Variants in SERPINB3 observed in about 807,000 individuals in gnomAD.
SERPINB3 encodes serpin family B member 3, also known as serpin B3.
SERPINB3 carries 33 observed loss-of-function variants against 33.0 expected under a neutral mutation model. That is an observed-to-expected ratio of 1.00 (90% CI 0.76 to 1.34). The LOEUF (loss-of-function observed/expected upper bound fraction) is 1.34, where lower values mean the gene tolerates loss of function less well. SERPINB3 is among the 40% of genes most tolerant of loss of function. SERPINB3 has a pLI of 0.00. For synonymous variants in SERPINB3, 200 were observed against 170.9 expected (o/e 1.17, Z -1.33); for missense variants, 518 against 461.5 (o/e 1.12, Z -1.12).
In SERPINB3 at chr18:63,661,128, G is replaced by A. The variant is rs762989240; in HGVS notation, c.89C>T (p.Ser30Phe). The change falls in exon 2 of 8, where the codon TCC (serine) becomes TTC (phenylalanine). Residue 30 changes from serine (S) to phenylalanine (F), a missense_variant. Ser to Phe is a radical substitution (Grantham distance 155, BLOSUM62 -2). Coordinates refer to ENST00000283752, the MANE Select transcript of SERPINB3 (RefSeq NM_006919.3). ...RKSKENNIFY[S>F]PISITSALGM... ...TAATGCTGATGTGATGCTGATAGGG[G>A]AATAGAAGATGTTGTTCTCTTTTGA... 1.2e-6 allele frequency: 2 copies of A among 1,613,542 alleles called. No individual in the cohort carries two copies. Among genetic ancestry groups the A allele is most frequent in the African/African-American group, 2.7e-5 (2 of 74,870 alleles).
chr18:63,660,884 A>G, intron 2 of SERPINB3, 28 bp from the exon 3 acceptor site: 1 of 1,613,124 alleles, frequency 6.2e-7, no homozygotes, highest in South Asian at 1.1e-5. Flanking sequence ...CGGGACAAGA[A>G]AACTTTACTC....
At chr18:63,661,364 CATCTT>C (rs1227143493) in intron 1 of SERPINB3, 122 bp from the exon 2 acceptor site, 19 of 1,104,278 alleles carry the variant, frequency 1.7e-5, no homozygotes, top group Non-Finnish European at 2.2e-5. Flanking sequence ...AAGTTTTCCT[CATCTT>C]ATTTTTAACG....
chr18:63,656,244 G>A (rs1238830005), intron 7 of SERPINB3, among the ~76,000 whole-genome samples, 183 bp from the exon 8 acceptor site: 3 of 151,684 alleles, frequency 2.0e-5, no homozygotes, highest in Non-Finnish European at 2.9e-5. Context: ...AAATACATTG[G>A]GTTATATGTG....
In SERPINB3 at chr18:63,655,993, A is replaced by C. The variant is rs139301901; in HGVS notation, c.837T>G (p.Arg279=). 2.9e-5 allele frequency: 47 copies of C among 1,613,854 alleles called. No individual in the cohort carries two copies. The African/African-American group carries it at 6.0e-4, about 21-fold the overall frequency. ...TGAACCGAGGTAAGTGTAAATCGAC[A>C]CGTGTCTCTCTCATATTCTGCAAAC... is the stretch of plus-strand genomic sequence containing the variant. ...WTSLQNMRET[R]VDLHLPRFKV... The change falls in exon 8 of 8, where the codon CGT becomes CGG. Residue 279 remains arginine (R), a synonymous_variant. Transcript: ENST00000283752.
At chr18:63,661,657 G>C (rs934346978) in intron 1 of SERPINB3, among the ~76,000 whole-genome samples, 189 bp downstream of exon 1, 25 of 151,350 alleles carry the variant, frequency 1.7e-4, no homozygotes, top group African/African-American at 6.1e-4. Flanking sequence ...AAAGTGCCTT[G>C]GTTTACTTGG....
rs1432268509 is a variant in SERPINB3 at position 63,657,340 on chromosome 18, T to C, written c.542A>G (p.Tyr181Cys). 3.7e-6 allele frequency: 6 copies of C among 1,610,744 alleles called. No homozygotes were observed. Among genetic ancestry groups the C allele is most frequent in the Non-Finnish European group, 3.4e-6 (4 of 1,177,796 alleles). The change falls in exon 6 of 8, where the codon TAT becomes TGT. Residue 181 changes from tyrosine to cysteine, a missense_variant. By Grantham distance (194) the Tyr-to-Cys change is radical. Coordinates refer to ENST00000283752, the MANE Select transcript of SERPINB3 (RefSeq NM_006919.3). ...NTTLVLVNAIYFKGQWEKKFN... is the reference protein window; with the variant it reads ...NTTLVLVNAICFKGQWEKKFN... ...TTTCTTCTCCCACTGCCCTTTGAAA[T>C]AGATTGCGTTCACAAGAACCAATGT...
chr18:63,657,108 C>T (rs1269856767), intron 6 of SERPINB3, 122 bp from the exon 7 acceptor site: 1 of 989,318 alleles, frequency 1.0e-6, no homozygotes, highest in African/African-American at 1.6e-5. Context: ...GAGTTAGAGA[C>T]AATAGCTTCT....
chr18:63,655,762 A>G lies in SERPINB3; in HGVS notation c.1068T>C (p.Pro356=). The change falls in exon 8 of 8, where the codon CCT becomes CCC. Residue 356 remains proline, a synonymous_variant. Transcript: ENST00000283752. ...ATAVVGFGSS[P]TSTNEEFHCN... is the part of the protein sequence containing the mutation. ...AATGGAACTCTTCATTAGTTGAAGT[A>G]GGTGATGATCCGAATCCTACTACAG... 1.2e-6 allele frequency: 2 copies of G among 1,613,022 alleles called. No individual in the cohort carries two copies. The highest frequency in any genetic ancestry group is 1.4e-5 in the African/African-American group (1 of 74,062).
rs778215018 is a variant in SERPINB3, at chr18:63,656,814, T to C, written c.768+17A>G. 1.3e-5 allele frequency: 21 copies of C among 1,581,952 alleles called. No homozygotes were observed. Among genetic ancestry groups the C allele is most frequent in the Non-Finnish European group, 1.7e-5 (20 of 1,158,306 alleles). On this transcript the variant is annotated intron_variant, in intron 7 of 7. Transcript: ENST00000283752. ...TGTCAGGCAGTAGAAGGAAGAGTTGTAGATGCAAGTTCTTACCTTCTGGAG... is the reference window on the plus strand; with the variant it reads ...TGTCAGGCAGTAGAAGGAAGAGTTGCAGATGCAAGTTCTTACCTTCTGGAG...
At position 63,661,127 on chromosome 18, in the gene SERPINB3, G is replaced by A. The variant is rs775604979; in HGVS notation, c.90C>T (p.Ser30=). 1.9e-6 allele frequency: 3 copies of A among 1,613,600 alleles called. No individual in the cohort carries two copies. In the Admixed American group the frequency reaches 5.0e-5, roughly 27 times the overall value. Residue 30 remains serine (S), a synonymous_variant, in exon 2 of 8, where the codon TCC becomes TCT. Coordinates refer to ENST00000283752, the MANE Select transcript of SERPINB3 (RefSeq NM_006919.3). ...CTAATGCTGATGTGATGCTGATAGG[G>A]GAATAGAAGATGTTGTTCTCTTTTG... ...RKSKENNIFY[S]PISITSALGM...
intron 2 of SERPINB3, 21 bp downstream of exon 2, chr18:63,661,031 C>T (rs2144498174): frequency 6.2e-7 from 1 of 1,613,340 alleles, no homozygotes; most frequent in Non-Finnish European, 8.5e-7. Flanking sequence ...AACAGGACAA[C>T]ATAATGATGC....
chr18:63,658,625 A>C lies in SERPINB3; in HGVS notation c.357T>G (p.Tyr119Ter), dbSNP rs770313917. 7 of 1,609,116 alleles carry C rather than the reference A, an allele frequency of 4.4e-6. No homozygotes were observed. The South Asian group carries it at 4.4e-5, about 10-fold the overall frequency. ...GEKTYLFLQE[Y>*]LDAIKKFYQT... ...GGTAAAATTTCTTGATGGCATCTAA[A>C]TATTCCTTTGAGATATGAAGGAAGA... The change falls in exon 5 of 8, where the codon TAT (tyrosine) becomes TAG (stop). Residue 119 changes from tyrosine (Y) to a stop codon, truncating the protein, a stop_gained. Coordinates refer to ENST00000283752, the MANE Select transcript of SERPINB3 (RefSeq NM_006919.3). LOFTEE classifies it high-confidence loss of function.
Position 63,658,499 on chromosome 18 carries a change from G to A in SERPINB3, c.469+14C>T. 6.3e-7 allele frequency: 1 copy of A among 1,599,102 alleles called. No homozygotes were observed. Among genetic ancestry groups the A allele is most frequent in the Non-Finnish European group, 8.6e-7 (1 of 1,167,742 alleles). ...ATTTCTCAAAGGTGTTTCTATAATGGGTGGCTCTCCTACCATTCGTTTGAC... is the reference window on the plus strand; with the variant it reads ...ATTTCTCAAAGGTGTTTCTATAATGAGTGGCTCTCCTACCATTCGTTTGAC... On this transcript the variant is annotated intron_variant, in intron 5 of 7. Coordinates refer to ENST00000283752, the MANE Select transcript of SERPINB3 (RefSeq NM_006919.3).
Position 63,661,264 on chromosome 18 carries a change from G to T in SERPINB3, c.-26-22C>A, listed in dbSNP as rs760454101. On this transcript the variant is annotated intron_variant, in intron 1 of 7. Transcript: ENST00000283752. ...ACTCCTGGAAAAGCATCAGATTCCTGTCAGAATGACTTTAATAAATGGAAT... is the reference window on the plus strand; with the variant it reads ...ACTCCTGGAAAAGCATCAGATTCCTTTCAGAATGACTTTAATAAATGGAAT... The T allele has an allele frequency of 3.2e-6, 5 of 1,581,980 alleles. No individual in the cohort carries two copies. The African/African-American group carries it at 6.8e-5, about 21-fold the overall frequency.
Position 63,656,019 on chromosome 18 carries a change from T to C in SERPINB3, c.811A>G (p.Ser271Gly), listed in dbSNP as rs1913486931. ...CGTGTCTCTCTCATATTCTGCAAAC[T>C]TGTCCATTCCATCAATTTCTCAGCA... ...LTAEKLMEWT[S>G]LQNMRETRVD... The change falls in exon 8 of 8, where the codon AGT becomes GGT. Residue 271 changes from serine (S) to glycine (G), a missense_variant. Coordinates refer to ENST00000283752, the MANE Select transcript of SERPINB3 (RefSeq NM_006919.3). 1 of 1,613,746 alleles carries C rather than the reference T, an allele frequency of 6.2e-7. No homozygotes were observed. Among genetic ancestry groups the C allele is most frequent in the Admixed American group, 1.7e-5 (1 of 59,932 alleles).
intron 5 of SERPINB3, 37 bp from the exon 6 acceptor site, chr18:63,657,449 C>G (rs774078904): frequency 2.6e-6 from 4 of 1,510,688 alleles, no homozygotes; most frequent in Admixed American, 2.0e-5. Context: ...TTTACACAAG[C>G]TACAAATGGC....
chr18:63,659,662 G>A, intron 3 of SERPINB3, 135 bp from the exon 4 acceptor site: 1 of 1,217,184 alleles, frequency 8.2e-7, no homozygotes, highest in Non-Finnish European at 1.2e-6. Context: ...CTGATACTTG[G>A]TGTATTTCAC....
chr18:63,655,722 G>A lies in SERPINB3; in HGVS notation c.1108C>T (p.Leu370=), dbSNP rs374667283. ...NEEFHCNHPF[L]FFIRQNKTNS... ...GTCTTATTTTGCCTTATGAAGAATAGGAAAGGGTGATTACAATGGAACTCT... is the reference window on the plus strand; with the variant it reads ...GTCTTATTTTGCCTTATGAAGAATAAGAAAGGGTGATTACAATGGAACTCT... The change falls in exon 8 of 8, where the codon CTA becomes TTA. Residue 370 remains leucine, a synonymous_variant. Coordinates refer to ENST00000283752, the MANE Select transcript of SERPINB3 (RefSeq NM_006919.3). 1.2e-6 allele frequency: 2 copies of A among 1,613,818 alleles called. No individual in the cohort carries two copies. Among genetic ancestry groups the A allele is most frequent in the African/African-American group, 1.3e-5 (1 of 74,908 alleles).
rs578023624 is a variant in SERPINB3 at position 63,660,656 on chromosome 18, A to G, written c.222+144T>C. On this transcript the variant is annotated intron_variant, in intron 3 of 7. Coordinates refer to ENST00000283752, the MANE Select transcript of SERPINB3 (RefSeq NM_006919.3). ...GAGGAATAATAATTATGTGCCATGAAATGCCAACCCACTCTGTATGTCTCA... is the reference window on the plus strand; with the variant it reads ...GAGGAATAATAATTATGTGCCATGAGATGCCAACCCACTCTGTATGTCTCA... 1.1e-4 allele frequency: 105 copies of G among 951,444 alleles called. No individual in the cohort carries two copies. In the African/African-American group the frequency reaches 1.3e-3, roughly 12 times the overall value. 58.9% of individuals were successfully genotyped at this position (951,444 alleles called of 1,614,324 possible).
Sources: allele counts gnomAD v4.1 joint callset (sites outside exome capture counted in the v4.1 genomes callset), GRCh38; gene constraint gnomAD v4.1.1; transcripts MANE v1.5; gene names NCBI Gene and HGNC (gene_info 2026-07-23, HGNC 2026-07-21).